The following KIRREL3 variants were observed in gnomAD, a reference collection of about 807,000 sequenced individuals.
KIRREL3 encodes kin of IRRE-like protein 3.
Under a neutral mutation model 89.7 loss-of-function variants are expected in KIRREL3, and 36 were observed. The ratio of observed to expected loss-of-function variants is 0.40; its 90% CI spans 0.31 to 0.53. KIRREL3 has a LOEUF of 0.53. Ranked by LOEUF, KIRREL3 falls within the 20% of genes least tolerant of loss-of-function variation. KIRREL3 has a pLI of 0.49. For synonymous variants in KIRREL3, 445 were observed against 441.4 expected, an observed-to-expected ratio of 1.01 and a Z score of -0.10; for missense variants, 864 against 1,056.6, an observed-to-expected ratio of 0.82 and a Z score of 2.53.
chr11:126,764,300 T>C lies in KIRREL3; in HGVS notation c.56-201388A>G, dbSNP rs1339387951. On this transcript the variant is annotated intron_variant, in intron 1 of 16. Transcript: ENST00000525144. This position sits in a 1 kb window ranked among gnomAD's most constrained non-coding sequence, Gnocchi z 4.2. ...CAAATGTCCATTCTGTCAGGCGCCC[T>C]GCCTCTTGCCACCTCTTTCTTAGCT... is the stretch of plus-strand genomic sequence containing the variant. 6.6e-6 allele frequency among the ~76,000 whole-genome samples: 1 copy of C among 152,102 alleles called. No homozygotes were observed. Among genetic ancestry groups the C allele is most frequent in the Non-Finnish European group, 1.5e-5 (1 of 68,028 alleles).
chr11:126,654,791 A>T (rs963241587), intron 1 of KIRREL3, among the ~76,000 whole-genome samples: 1 of 151,706 alleles, frequency 6.6e-6, no homozygotes, highest in Non-Finnish European at 1.5e-5. Context: ...TTCAACCATT[A>T]TTTTTTTTTA....
rs556332635 is a variant in KIRREL3 at position 126,471,243 on chromosome 11, G to A, written c.591+2066C>T. ...AAATTAGCTGGGCATGATGGCACAC[G>A]CCTGCAATCCCAGCTATTCTGGAGG... On this transcript the variant is annotated intron_variant, in intron 5 of 16. Transcript: ENST00000525144. This position sits in a 1 kb window ranked among gnomAD's most constrained non-coding sequence, Gnocchi z 5.4. Among the ~76,000 whole-genome samples, 336 of 152,136 alleles carry A rather than the reference G, an allele frequency of 2.2e-3. 2 individuals are homozygous for A. Among genetic ancestry groups the A allele is most frequent in the African/African-American group, 7.7e-3 (319 of 41,514 alleles).
intron 1 of KIRREL3, among the ~76,000 whole-genome samples, chr11:126,821,783 G>A (rs1044538342): frequency 2.6e-5 from 4 of 152,034 alleles, no homozygotes; most frequent in Non-Finnish European, 4.4e-5. Context: ...TCAGAATGAC[G>A]CAGGGTGCAA....
At chr11:126,901,395 C>G (rs1357394461) in intron 1 of KIRREL3, among the ~76,000 whole-genome samples, 1 of 152,094 alleles carries the variant, frequency 6.6e-6, no homozygotes, top group Non-Finnish European at 1.5e-5. Context: ...CCTTGGGGAG[C>G]AGGGGGTTTC....
intron 4 of KIRREL3, among the ~76,000 whole-genome samples, chr11:126,494,728 G>C (rs575343433): frequency 2.0e-5 from 3 of 152,294 alleles, no homozygotes; most frequent in African/African-American, 7.2e-5. Context: ...ATCCCTCCTC[G>C]GGCCCTGGGA....
chr11:126,659,223 T>A (rs1945286525), intron 1 of KIRREL3, among the ~76,000 whole-genome samples: 1 of 152,164 alleles, frequency 6.6e-6, no homozygotes. Context: ...TTATTTTTTC[T>A]CTTATTTTAA....
At chr11:126,468,440 G>A (rs1956792528) in intron 5 of KIRREL3, among the ~76,000 whole-genome samples, 1 of 152,368 alleles carries the variant, frequency 6.6e-6, no homozygotes, top group South Asian at 2.1e-4. Flanking sequence ...CACCCTGGAG[G>A]CTGTGACAGT....
chr11:126,967,346 A>C (rs1233857325), intron 1 of KIRREL3, among the ~76,000 whole-genome samples: 6 of 152,118 alleles, frequency 3.9e-5, no homozygotes, highest in Non-Finnish European at 8.8e-5. Context: ...AGAACAGGAG[A>C]GCACCGTGCT....
At chr11:126,730,908 T>A (rs1328675243) in intron 1 of KIRREL3, among the ~76,000 whole-genome samples, 1 of 151,998 alleles carries the variant, frequency 6.6e-6, no homozygotes, top group Non-Finnish European at 1.5e-5. Flanking sequence ...CTGGCTAATT[T>A]TTTTATATTT....
In KIRREL3 at chr11:126,640,623, C is replaced by T. The variant is rs1286446654; in HGVS notation, c.56-77711G>A. Among the ~76,000 whole-genome samples, 1 of 150,400 alleles carries T rather than the reference C, an allele frequency of 6.6e-6. No individual in the cohort carries two copies. The highest frequency in any genetic ancestry group is 1.5e-5 in the Non-Finnish European group (1 of 67,374). ...CTCATAGCATTTAGTCTGAACCTTA[C>T]AGCATGGTCTTAAAGAGACACCCTC... On this transcript the variant is annotated intron_variant, in intron 1 of 16. Coordinates refer to ENST00000525144, the MANE Select transcript of KIRREL3 (RefSeq NM_032531.4). The surrounding 1 kb of genome is among the most constrained non-coding windows in gnomAD (Gnocchi z 4.9).
Position 126,723,200 on chromosome 11 carries a change from T to G in KIRREL3, c.56-160288A>C. 8.1e-6 allele frequency among the ~76,000 whole-genome samples: 1 copy of G among 122,972 alleles called. No homozygotes were observed. Among genetic ancestry groups the G allele is most frequent in the Admixed American group, 8.9e-5 (1 of 11,190 alleles). The allele number at this position is 122,972 out of a possible 152,430, so 80.7% of individuals were successfully genotyped here. ...TGCAGCCCTGACACATTGCAGGTAC[T>G]TAGCATACAGAGCTGGATTTCCCCC... On this transcript the variant is annotated intron_variant, in intron 1 of 16. Coordinates refer to ENST00000525144, the MANE Select transcript of KIRREL3 (RefSeq NM_032531.4). This position sits in a 1 kb window ranked among gnomAD's most constrained non-coding sequence, Gnocchi z 4.0.
intron 10 of KIRREL3, among the ~76,000 whole-genome samples, chr11:126,442,221 A>C (rs2134182084): frequency 7.0e-6 from 1 of 142,552 alleles, no homozygotes; most frequent in Middle Eastern, 4.2e-3. Context: ...AGATTGCGCC[A>C]CTGCACTCCA....
chr11:126,582,053 G>T (rs1482604847), intron 1 of KIRREL3, among the ~76,000 whole-genome samples: 1 of 152,188 alleles, frequency 6.6e-6, no homozygotes, highest in Non-Finnish European at 1.5e-5. Context: ...TGACAGAAGG[G>T]CTGGAACCTA....
At position 126,681,381 on chromosome 11, in the gene KIRREL3, T is replaced by C. The variant is rs528495660; in HGVS notation, c.56-118469A>G. Among the ~76,000 whole-genome samples the C allele has an allele frequency of 1.1e-4, 16 of 152,330 alleles. No homozygotes were observed. In the South Asian group the frequency reaches 2.1e-3, roughly 20 times the overall value. On this transcript the variant is annotated intron_variant, in intron 1 of 16. Coordinates refer to ENST00000525144, the MANE Select transcript of KIRREL3 (RefSeq NM_032531.4). ...CAGAAATCATTCTGAGTTTTATTTATGTTATTGCCTACAGTCATCAGGGGA... is the reference window on the plus strand; with the variant it reads ...CAGAAATCATTCTGAGTTTTATTTACGTTATTGCCTACAGTCATCAGGGGA...
At chr11:126,733,385 A>C (rs575707543) in intron 1 of KIRREL3, among the ~76,000 whole-genome samples, 20 of 152,284 alleles carry the variant, frequency 1.3e-4, no homozygotes, top group African/African-American at 4.1e-4. Context: ...GAGACACCTT[A>C]ATTCTCTTCC....
intron 1 of KIRREL3, among the ~76,000 whole-genome samples, chr11:126,672,891 T>C (rs999507092): frequency 6.6e-6 from 1 of 152,246 alleles, no homozygotes; most frequent in Non-Finnish European, 1.5e-5. Context: ...AGTGTTTCAA[T>C]TGCTTTGCGT....
intron 1 of KIRREL3, among the ~76,000 whole-genome samples, chr11:126,880,459 G>A (rs565236253): frequency 4.6e-5 from 7 of 152,146 alleles, no homozygotes; most frequent in South Asian, 4.2e-4. Flanking sequence ...CTCTTTAAAC[G>A]CTAACAAGAA....
At chr11:126,756,367 G>A (rs527417120) in intron 1 of KIRREL3, among the ~76,000 whole-genome samples, 1 of 152,210 alleles carries the variant, frequency 6.6e-6, no homozygotes, top group East Asian at 1.9e-4. Context: ...TCATTGTGTT[G>A]TATTGAATGT....
At chr11:126,660,660 A>G (rs1028600724) in intron 1 of KIRREL3, among the ~76,000 whole-genome samples, 10 of 152,094 alleles carry the variant, frequency 6.6e-5, no homozygotes, top group Admixed American at 2.0e-4. Flanking sequence ...GGACGACCTG[A>G]CCATTCTCAG....
Sources: allele counts gnomAD v4.1 joint callset (sites outside exome capture counted in the v4.1 genomes callset), GRCh38; gene constraint gnomAD v4.1.1; non-coding constraint Gnocchi (gnomAD v3.1); transcripts MANE v1.5; gene names NCBI Gene and HGNC (gene_info 2026-07-23, HGNC 2026-07-21).